Variants in AGPAT5 observed in about 807,000 individuals in gnomAD.
AGPAT5 encodes 1-acyl-sn-glycerol-3-phosphate acyltransferase epsilon.
A neutral mutation model predicts 45.6 loss-of-function variants in AGPAT5; 46 were observed. That is an observed-to-expected ratio of 1.01 (90% CI 0.80 to 1.29). The LOEUF (loss-of-function observed/expected upper bound fraction) is 1.29. AGPAT5 is among the 50% of genes most tolerant of loss of function. The probability of loss-of-function intolerance (pLI) is 0.00; values close to 1 mark genes in which losing one functional copy is unlikely to be tolerated. For missense variants in AGPAT5, 673 were observed against 450.7 expected, an observed-to-expected ratio of 1.49 and a Z score of -4.47; for synonymous variants, 272 against 167.0, an observed-to-expected ratio of 1.63 and a Z score of -4.85.
intron 1 of AGPAT5, among the ~76,000 whole-genome samples, chr8:6,711,853 A>C (rs1014783912): frequency 5.3e-5 from 8 of 150,404 alleles, no homozygotes; most frequent in Non-Finnish European, 8.9e-5. Flanking sequence ...CTCACATCTC[A>C]CTCTCCCTTT....
chr8:6,755,037 T>G lies in AGPAT5; in HGVS notation c.746-14T>G, dbSNP rs746906053. On this transcript the variant is annotated splice_polypyrimidine_tract_variant and intron_variant, in intron 6 of 7. Transcript: ENST00000285518. ...AAATAGTAAAAAAAAAGAATTATTT[T>G]TGTTCTTTGTTAGAATTTCTCTGCA... 9.6e-6 allele frequency: 15 copies of G among 1,563,560 alleles called. No homozygotes were observed. The Admixed American group carries it at 1.1e-4, about 11-fold the overall frequency.
intron 7 of AGPAT5, among the ~76,000 whole-genome samples, chr8:6,756,738 C>G (rs530828275): frequency 1.1e-4 from 17 of 152,198 alleles, no homozygotes; most frequent in Non-Finnish European, 1.5e-4. Context: ...CTGGGACCAG[C>G]CCCCTGTCGA....
chr8:6,743,960 C>T (rs1343875569), intron 5 of AGPAT5, among the ~76,000 whole-genome samples: 4 of 152,018 alleles, frequency 2.6e-5, no homozygotes, highest in African/African-American at 9.7e-5. Context: ...TTTGAGAGTT[C>T]TTTCAAAACA....
At chr8:6,738,756 C>CT (rs1393425930) in intron 4 of AGPAT5, among the ~76,000 whole-genome samples, 1 of 152,110 alleles carries the variant, frequency 6.6e-6, no homozygotes, top group Non-Finnish European at 1.5e-5. Context: ...TGAATAGTAT[C>CT]TTTTTTGAGT....
intron 1 of AGPAT5, among the ~76,000 whole-genome samples, chr8:6,716,511 G>A (rs11991373): frequency 0.022 from 3,416 of 151,962 alleles, 123 homozygotes; most frequent in African/African-American, 0.079. Context: ...CAGCTTGGGC[G>A]ACAGAGTGAG....
chr8:6,746,717 G>C (rs1031763097), intron 5 of AGPAT5, among the ~76,000 whole-genome samples: 1 of 152,180 alleles, frequency 6.6e-6, no homozygotes, highest in Admixed American at 6.5e-5. Flanking sequence ...GTGTGGGACA[G>C]TCCCACCATG....
Position 6,759,102 on chromosome 8 carries a change from A to C in AGPAT5, c.*1714A>C, listed in dbSNP as rs1332178334. 6.6e-6 allele frequency: 1 copy of C among 152,236 alleles called. No individual in the cohort carries two copies. Among genetic ancestry groups the C allele is most frequent in the Non-Finnish European group, 1.5e-5 (1 of 68,046 alleles). The allele number at this position is 152,236 out of a possible 1,614,324, so 9.4% of individuals were successfully genotyped here. On this transcript the variant is annotated 3_prime_UTR_variant, in exon 8 of 8. Coordinates refer to ENST00000285518, the MANE Select transcript of AGPAT5 (RefSeq NM_018361.5). Reference sequence around the variant, plus strand: ...ATATAGTTGGCCTAATAATCGGGGCATGGGTAAAACTTATGAAAATTTCCT... The same window carrying C: ...ATATAGTTGGCCTAATAATCGGGGCCTGGGTAAAACTTATGAAAATTTCCT...
Position 6,708,881 on chromosome 8 carries a change from GGTCC to G in AGPAT5, c.214_217del (p.Val72ArgfsTer15). On this transcript the variant is annotated frameshift_variant and splice_region_variant, in exon 1 of 8. Transcript: ENST00000285518. LOFTEE classifies it high-confidence loss of function. Reference sequence around the variant, plus strand: ...TCTTCTTCTTCGAGAATTACACCGGGGTCCAGGTGAGCCGCCTCCCGCTCCCGGG... The same window carrying G: ...TCTTCTTCTTCGAGAATTACACCGGGAGGTGAGCCGCCTCCCGCTCCCGGG... 1.2e-6 allele frequency: 2 copies of G among 1,602,340 alleles called. No homozygotes were observed. Among genetic ancestry groups the G allele is most frequent in the Non-Finnish European group, 1.7e-6 (2 of 1,174,812 alleles).
In AGPAT5 at chr8:6,708,876, A is replaced by G. The variant is rs1233099278; in HGVS notation, c.208A>G (p.Thr70Ala). ...GGTGCTCTTCTTCTTCGAGAATTAC[A>G]CCGGGGTCCAGGTGAGCCGCCTCCC... ...SMVLFFFENY[T>A]GVQILLYGDL... The change falls in exon 1 of 8, where the codon ACC becomes GCC. Residue 70 changes from threonine (T) to alanine (A), a missense_variant. Physicochemically the swap from Thr to Ala is moderately conservative, Grantham distance 58. Transcript: ENST00000285518. 2.5e-6 allele frequency: 4 copies of G among 1,603,984 alleles called. No individual in the cohort carries two copies. In the African/African-American group the frequency reaches 5.4e-5, roughly 22 times the overall value.
intron 6 of AGPAT5, 116 bp downstream of exon 6, chr8:6,747,944 C>G: frequency 9.6e-7 from 1 of 1,041,166 alleles, no homozygotes; most frequent in South Asian, 2.0e-5. Flanking sequence ...ATTACATTTA[C>G]CCGGTATATT....
In AGPAT5 at chr8:6,757,171, T is replaced by C. The variant is rs1179321483; in HGVS notation, c.878T>C (p.Ile293Thr). The stretch of plus-strand genomic sequence containing the variant: ...TTCCATTCTGGCCATAGGATGCTTA[T>C]AGAATTTTATGAGTCACCAGATCCA... ...ERFEIKDKMLIEFYESPDPER... is the reference protein window; with the variant it reads ...ERFEIKDKMLTEFYESPDPER... Residue 293 changes from isoleucine (I) to threonine (T), a missense_variant, in exon 8 of 8, where the codon ATA becomes ACA. By Grantham distance (89) the Ile-to-Thr change is moderately conservative. Transcript: ENST00000285518. The C allele has an allele frequency of 6.2e-7, 1 of 1,613,144 alleles. No homozygotes were observed. The highest frequency in any genetic ancestry group is 8.5e-7 in the Non-Finnish European group (1 of 1,179,706).
chr8:6,735,032 G>A (rs974144595), intron 4 of AGPAT5, among the ~76,000 whole-genome samples: 22 of 152,270 alleles, frequency 1.4e-4, no homozygotes, highest in African/African-American at 5.3e-4. Flanking sequence ...GGTGGTAGAA[G>A]GAGAGGGAAG....
rs547176488 is a variant in AGPAT5, at chr8:6,732,640, C to T, written c.485C>T (p.Ala162Val). Reference sequence around the variant, plus strand: ...AACAAGTTGCAGAGCTACGTGGACGCAGGAACTCCAGTAAGAGCCTACCCG... The same window carrying T: ...AACAAGTTGCAGAGCTACGTGGACGTAGGAACTCCAGTAAGAGCCTACCCG... ...MRNKLQSYVD[A>V]GTPMYLVIFP... is the part of the protein sequence containing the mutation. The change falls in exon 4 of 8, where the codon GCA (alanine) becomes GTA (valine). Residue 162 changes from alanine to valine, a missense_variant. Ala to Val is a moderately conservative substitution (Grantham distance 64). Transcript: ENST00000285518. 1.2e-6 allele frequency: 2 copies of T among 1,606,446 alleles called. No homozygotes were observed. The highest frequency in any genetic ancestry group is 1.7e-6 in the Non-Finnish European group (2 of 1,177,902).
intron 5 of AGPAT5, among the ~76,000 whole-genome samples, chr8:6,746,713 G>A (rs1801479923): frequency 6.6e-6 from 1 of 152,142 alleles, no homozygotes; most frequent in South Asian, 2.1e-4. Context: ...TCTTGTGTGG[G>A]ACAGTCCCAC....
chr8:6,745,937 C>T (rs1801436854), intron 5 of AGPAT5: 1 of 151,794 alleles, frequency 6.6e-6, no homozygotes, highest in Admixed American at 6.6e-5. Flanking sequence ...AACTCATGTT[C>T]TCTCTCCCCC....
chr8:6,741,476 T>G (rs749355318), intron 4 of AGPAT5, among the ~76,000 whole-genome samples, 185 bp from the exon 5 acceptor site: 1 of 152,174 alleles, frequency 6.6e-6, no homozygotes, highest in Non-Finnish European at 1.5e-5. Context: ...GTTCACGTTA[T>G]GTTCATATTT....
At chr8:6,729,713 CTG>C (rs1238201532) in intron 2 of AGPAT5, among the ~76,000 whole-genome samples, 1 of 152,228 alleles carries the variant, frequency 6.6e-6, no homozygotes, top group Non-Finnish European at 1.5e-5. Context: ...GGGCCACTCT[CTG>C]TGTTGGAAAT....
chr8:6,739,428 A>G (rs1001398880), intron 4 of AGPAT5, among the ~76,000 whole-genome samples: 4 of 152,078 alleles, frequency 2.6e-5, no homozygotes, highest in African/African-American at 9.7e-5. Flanking sequence ...CGTAGCCTGC[A>G]TTTGTTTACT....
intron 1 of AGPAT5, chr8:6,709,543 G>A (rs944265282): frequency 3.5e-5 from 5 of 143,828 alleles, no homozygotes; most frequent in Middle Eastern, 3.2e-3. Flanking sequence ...CTCTTTAACA[G>A]TAGGTATTTG....
Sources: allele counts gnomAD v4.1 joint callset (sites outside exome capture counted in the v4.1 genomes callset), GRCh38; gene constraint gnomAD v4.1.1; transcripts MANE v1.5; gene names NCBI Gene and HGNC (gene_info 2026-07-23, HGNC 2026-07-21).